The following PTPRD variants were observed in gnomAD, a reference collection of about 807,000 sequenced individuals.
PTPRD encodes the protein protein tyrosine phosphatase receptor type D.
PTPRD carries 34 observed loss-of-function variants against 214.5 expected under a neutral mutation model. The observed-to-expected ratio is 0.16, with a 90% CI of 0.12 to 0.21. The LOEUF (loss-of-function observed/expected upper bound fraction) is 0.21. PTPRD is among the 10% of genes least tolerant of loss of function. The pLI is 1.00. For synonymous variants in PTPRD, 1,128 were observed against 845.7 expected (o/e 1.33, Z -5.79); for missense variants, 2,545 against 2,398.7 (o/e 1.06, Z -1.27).
intron 10 of PTPRD, among the ~76,000 whole-genome samples, chr9:9,112,890 AG>A (rs943133593): frequency 8.8e-5 from 13 of 147,852 alleles, no homozygotes; most frequent in African/African-American, 3.2e-4. Context: ...ACCTTTGATG[AG>A]GAAAAAAATG....
At chr9:10,010,543 C>T (rs2096576069) in intron 4 of PTPRD, among the ~76,000 whole-genome samples, 1 of 151,672 alleles carries the variant, frequency 6.6e-6, no homozygotes. Flanking sequence ...AGTTCCACAC[C>T]TGGGTCAGTG....
intron 7 of PTPRD, among the ~76,000 whole-genome samples, chr9:9,625,211 G>T (rs10977884): frequency 0.09 from 13,692 of 152,210 alleles, 639 homozygotes; most frequent in Middle Eastern, 0.16. Context: ...GTATGTCACA[G>T]TGGGGATATG....
chr9:8,323,925 C>A (rs1830922324), intron 44 of PTPRD, among the ~76,000 whole-genome samples: 1 of 152,246 alleles, frequency 6.6e-6, no homozygotes, highest in Admixed American at 6.5e-5. Flanking sequence ...TTGACTTTGT[C>A]ACTTAGTCAC....
At chr9:8,345,604 T>A (rs1470415347) in intron 39 of PTPRD, among the ~76,000 whole-genome samples, 3 of 151,978 alleles carry the variant, frequency 2.0e-5, no homozygotes, top group African/African-American at 7.3e-5. Context: ...GGAGATTGTG[T>A]CATTACTCCA....
intron 2 of PTPRD, among the ~76,000 whole-genome samples, chr9:10,498,047 C>T (rs1359391239): frequency 1.3e-5 from 2 of 152,062 alleles, no homozygotes; most frequent in East Asian, 3.9e-4. Flanking sequence ...GTTTTGCTTG[C>T]TTCATGCATA....
chr9:8,774,781 G>T (rs1001374644), intron 11 of PTPRD, among the ~76,000 whole-genome samples: 1 of 151,896 alleles, frequency 6.6e-6, no homozygotes, highest in Non-Finnish European at 1.5e-5. Flanking sequence ...TGATCCCCCC[G>T]CCTCGGCCTC....
chr9:8,794,659 G>T (rs1436123633), intron 11 of PTPRD, among the ~76,000 whole-genome samples: 1 of 151,676 alleles, frequency 6.6e-6, no homozygotes. Context: ...CAAATTTGAG[G>T]GCAGCAACAT....
intron 2 of PTPRD, among the ~76,000 whole-genome samples, chr9:10,559,886 A>G (rs1399470975): frequency 6.6e-6 from 1 of 152,084 alleles, no homozygotes; most frequent in African/African-American, 2.4e-5. Flanking sequence ...TTAGAATGGC[A>G]ATCATTAAAA....
intron 4 of PTPRD, among the ~76,000 whole-genome samples, chr9:10,008,673 CAG>C (rs1480537154): frequency 8.0e-4 from 121 of 152,000 alleles, no homozygotes; most frequent in Non-Finnish European, 1.3e-3. Context: ...TGGTTTTTGC[CAG>C]AAGCTAAGCT....
chr9:9,603,450 C>A (rs2093926772), intron 7 of PTPRD, among the ~76,000 whole-genome samples: 1 of 152,016 alleles, frequency 6.6e-6, no homozygotes, highest in Admixed American at 6.6e-5. Flanking sequence ...GGCTATAAAC[C>A]AGAGGTCCCC....
chr9:8,380,645 AAAATCAAGTTGATG>A (rs1215910823), intron 37 of PTPRD, among the ~76,000 whole-genome samples: 1 of 152,212 alleles, frequency 6.6e-6, no homozygotes, highest in Non-Finnish European at 1.5e-5. Context: ...ACAAACTATC[AAAATCAAGTTGATG>A]GAATAATAAA....
chr9:8,799,611 C>CT (rs2096530655), intron 11 of PTPRD, among the ~76,000 whole-genome samples: 1 of 152,174 alleles, frequency 6.6e-6, no homozygotes, highest in African/African-American at 2.4e-5. Context: ...AGCTCAAAGT[C>CT]TTAGCAACCA....
At chr9:9,165,590 T>C (rs554758979) in intron 10 of PTPRD, among the ~76,000 whole-genome samples, 1 of 152,196 alleles carries the variant, frequency 6.6e-6, no homozygotes, top group Non-Finnish European at 1.5e-5. Flanking sequence ...CATCATACTA[T>C]TAAGGTTTGA....
intron 2 of PTPRD, among the ~76,000 whole-genome samples, 196 bp downstream of exon 2, chr9:10,612,202 C>A (rs2081190647): frequency 1.1e-5 from 1 of 93,994 alleles, no homozygotes; most frequent in African/African-American, 3.6e-5. Flanking sequence ...CTTCTAAGGG[C>A]TCTTCCAAAA....
chr9:9,068,922 T>C (rs903284242), intron 10 of PTPRD, among the ~76,000 whole-genome samples: 1 of 152,176 alleles, frequency 6.6e-6, no homozygotes, highest in African/African-American at 2.4e-5. Context: ...CAAAAATTTC[T>C]TTATGGGAAA....
chr9:10,165,520 T>A (rs1452742166), intron 3 of PTPRD, among the ~76,000 whole-genome samples: 2 of 151,836 alleles, frequency 1.3e-5, no homozygotes, highest in South Asian at 2.1e-4. Context: ...CTTCTTTGTA[T>A]AACAATGGCA....
At chr9:8,370,133 C>T (rs1432891999) in intron 39 of PTPRD, among the ~76,000 whole-genome samples, 1 of 151,828 alleles carries the variant, frequency 6.6e-6, no homozygotes, top group Non-Finnish European at 1.5e-5. Flanking sequence ...GAAAGTTCTG[C>T]CCCAAAATCA....
At chr9:8,417,494 T>A (rs1400396053) in intron 35 of PTPRD, among the ~76,000 whole-genome samples, 2 of 152,204 alleles carry the variant, frequency 1.3e-5, no homozygotes, top group Admixed American at 6.5e-5. Flanking sequence ...TTTTAATGAC[T>A]ATTCTAATGG....
intron 3 of PTPRD, among the ~76,000 whole-genome samples, chr9:10,278,132 G>A (rs753980186): frequency 2.8e-5 from 4 of 144,382 alleles, no homozygotes; most frequent in Non-Finnish European, 4.6e-5. Context: ...CTCCAGCCTG[G>A]GCGACAGAGC....
Sources: gnomAD v4.1 joint callset for allele counts (sites outside exome capture counted in the v4.1 genomes callset) on GRCh38, gnomAD v4.1.1 for gene constraint, MANE v1.5 for transcripts, NCBI Gene and HGNC (gene_info 2026-07-23, HGNC 2026-07-21) for gene names.